The following SCFD1 variants were observed in gnomAD, a reference collection of about 807,000 sequenced individuals.
The protein encoded by SCFD1 is sec1 family domain-containing protein 1.
SCFD1 carries 37 observed loss-of-function variants against 103.2 expected under a neutral mutation model. The ratio of observed to expected loss-of-function variants is 0.36; its 90% CI spans 0.28 to 0.47. SCFD1 has a LOEUF of 0.47. Among genes scored for constraint, SCFD1 ranks in the 20% least tolerant of loss-of-function variants. The pLI is 1.00. For missense variants in SCFD1, 639 were observed against 761.2 expected (o/e 0.84, Z 1.89); for synonymous variants, 264 against 245.0 (o/e 1.08, Z -0.73).
chr14:30,637,017 T>C (rs988191377), intron 4 of SCFD1, among the ~76,000 whole-genome samples: 6 of 152,066 alleles, frequency 3.9e-5, no homozygotes, highest in African/African-American at 1.2e-4. Context: ...TTCAGACATT[T>C]TTCTGAGGAG....
At chr14:30,637,465 G>A (rs535347990) in intron 4 of SCFD1, among the ~76,000 whole-genome samples, 3 of 152,034 alleles carry the variant, frequency 2.0e-5, no homozygotes, top group African/African-American at 4.8e-5. Flanking sequence ...TTTTAACATC[G>A]CTAAAATCAG....
intron 7 of SCFD1, among the ~76,000 whole-genome samples, chr14:30,649,007 C>T (rs1454597461): frequency 1.3e-5 from 2 of 151,658 alleles, no homozygotes; most frequent in Non-Finnish European, 2.9e-5. Flanking sequence ...GAAAAACTGC[C>T]CATAGGGGAT....
intron 21 of SCFD1, among the ~76,000 whole-genome samples, chr14:30,721,159 T>C (rs17097127): frequency 0.079 from 11,955 of 152,116 alleles, 769 homozygotes; most frequent in African/African-American, 0.17. Flanking sequence ...AGACAGGCCA[T>C]AGAAATGAGG....
intron 10 of SCFD1, among the ~76,000 whole-genome samples, chr14:30,661,195 G>A (rs1887416890): frequency 6.6e-6 from 1 of 152,130 alleles, no homozygotes; most frequent in Non-Finnish European, 1.5e-5. Flanking sequence ...CAATTTGAAA[G>A]CATCAATGGA....
intron 7 of SCFD1, among the ~76,000 whole-genome samples, chr14:30,645,763 T>C (rs935557746): frequency 3.3e-5 from 5 of 152,182 alleles, no homozygotes; most frequent in Admixed American, 1.3e-4. Flanking sequence ...TAAGATCATA[T>C]AACCTGCAAA....
intron 7 of SCFD1, among the ~76,000 whole-genome samples, chr14:30,647,692 C>G (rs139675352): frequency 1.3e-5 from 2 of 152,262 alleles, no homozygotes; most frequent in East Asian, 3.9e-4. Context: ...CCCACACGGT[C>G]TGTAAAATTT....
At chr14:30,631,582 A>G (rs1409145321) in intron 3 of SCFD1, among the ~76,000 whole-genome samples, 2 of 152,310 alleles carry the variant, frequency 1.3e-5, no homozygotes, top group African/African-American at 4.8e-5. Context: ...AGGAATATCT[A>G]ATTAATCATT....
At chr14:30,683,324 A>G (rs376661086) in intron 14 of SCFD1, 9 of 653,378 alleles carry the variant, frequency 1.4e-5, no homozygotes, top group African/African-American at 3.7e-5. Flanking sequence ...ACCTGGGTGC[A>G]TTGTAAGGGT....
chr14:30,644,636 C>T (rs1371817803), intron 7 of SCFD1, among the ~76,000 whole-genome samples: 8 of 152,086 alleles, frequency 5.3e-5, no homozygotes, highest in Non-Finnish European at 8.8e-5. Context: ...TTGCTGGCCA[C>T]GTATGTCCTT....
chr14:30,643,866 A>G (rs867246130), intron 7 of SCFD1: 3 of 432,398 alleles, frequency 6.9e-6, no homozygotes, highest in Middle Eastern at 7.0e-4. Context: ...TTTTATTTTC[A>G]ACTTTTATTT....
chr14:30,699,745 A>T (rs562451434), intron 15 of SCFD1, among the ~76,000 whole-genome samples: 153 of 152,276 alleles, frequency 1.0e-3, no homozygotes, highest in Non-Finnish European at 1.4e-3. Flanking sequence ...AAGTCTCATA[A>T]CCCAATTCCT....
intron 20 of SCFD1, among the ~76,000 whole-genome samples, chr14:30,717,441 C>T (rs1892354640): frequency 6.6e-6 from 1 of 152,100 alleles, no homozygotes. Context: ...TGTGCCACTG[C>T]ACTCCATCCT....
intron 11 of SCFD1, among the ~76,000 whole-genome samples, chr14:30,671,666 A>T (rs1888552156): frequency 6.6e-6 from 1 of 152,182 alleles, no homozygotes; most frequent in Non-Finnish European, 1.5e-5. Flanking sequence ...ATGGGCACAA[A>T]GACACTTGGA....
At chr14:30,646,242 C>T (rs1885815127) in intron 7 of SCFD1, among the ~76,000 whole-genome samples, 1 of 151,428 alleles carries the variant, frequency 6.6e-6, no homozygotes, top group African/African-American at 2.4e-5. Context: ...AGGATGGTCT[C>T]AATCTCTTGA....
intron 10 of SCFD1, among the ~76,000 whole-genome samples, chr14:30,658,995 G>T (rs1432073423): frequency 1.3e-5 from 2 of 152,136 alleles, no homozygotes; most frequent in Non-Finnish European, 2.9e-5. Context: ...TCTACTGAAG[G>T]TCTGTAGGCT....
chr14:30,655,167 C>T (rs1057462449), intron 10 of SCFD1, among the ~76,000 whole-genome samples: 1 of 152,086 alleles, frequency 6.6e-6, no homozygotes, highest in African/African-American at 2.4e-5. Flanking sequence ...TAATGGTGAA[C>T]AGGAGTGAAA....
chr14:30,699,302 G>A (rs978128323), intron 15 of SCFD1, among the ~76,000 whole-genome samples: 3 of 152,148 alleles, frequency 2.0e-5, no homozygotes, highest in African/African-American at 7.2e-5. Flanking sequence ...ATTATGTTTT[G>A]AAGAAAATCA....
intron 23 of SCFD1, among the ~76,000 whole-genome samples, chr14:30,732,882 G>A (rs1678480006): frequency 1.3e-5 from 2 of 152,134 alleles, no homozygotes; most frequent in Admixed American, 1.3e-4. Context: ...TTGATGAATT[G>A]GGAACTTGAC....
rs142998182 is a variant in SCFD1, at chr14:30,710,166, A to C, written c.1629+2101A>C. On this transcript the variant is annotated intron_variant, in intron 19 of 24. Transcript: ENST00000458591. ...TTTTATTTTATTTGGAGTGCATAAG[A>C]TACAGAAACAATTCTTTATGATCTT... Among the ~76,000 whole-genome samples the C allele has an allele frequency of 3.7e-4, 57 of 152,070 alleles. 1 individual carries two copies. The highest frequency in any genetic ancestry group is 1.2e-4 in the Non-Finnish European group (8 of 68,002).
Sources: allele counts gnomAD v4.1 joint callset (sites outside exome capture counted in the v4.1 genomes callset), GRCh38; gene constraint gnomAD v4.1.1; transcripts MANE v1.5; gene names NCBI Gene and HGNC (gene_info 2026-07-23, HGNC 2026-07-21).